The following STPG2 variants were observed in gnomAD, a reference collection of about 807,000 sequenced individuals.
STPG2 encodes the protein sperm tail PG-rich repeat containing 2.
STPG2 carries 56 observed loss-of-function variants against 54.2 expected under a neutral mutation model. That is an observed-to-expected ratio of 1.03 (90% CI 0.83 to 1.29). The LOEUF (loss-of-function observed/expected upper bound fraction) is 1.29, where lower values mean the gene tolerates loss of function less well. STPG2 is among the 50% of genes most tolerant of loss of function. The probability of loss-of-function intolerance (pLI) is 0.00; values close to 1 mark genes in which losing one functional copy is unlikely to be tolerated. For synonymous variants in STPG2, 200 were observed against 181.8 expected (o/e 1.10, Z -0.81); for missense variants, 596 against 544.9 (o/e 1.09, Z -0.93).
intron 10 of STPG2, among the ~76,000 whole-genome samples, chr4:97,578,355 A>G (rs1170264314): frequency 1.3e-5 from 2 of 152,064 alleles, no homozygotes; most frequent in African/African-American, 2.4e-5. Context: ...TATCTGGCCT[A>G]AAGAGGAGGT....
At chr4:98,127,260 A>G (rs1159910984) in intron 3 of STPG2, among the ~76,000 whole-genome samples, 1 of 152,174 alleles carries the variant, frequency 6.6e-6, no homozygotes, top group African/African-American at 2.4e-5. Flanking sequence ...TATCTGTGTG[A>G]TGGGTACATA....
intron 5 of STPG2, among the ~76,000 whole-genome samples, chr4:98,074,940 C>A (rs1312707952): frequency 7.7e-6 from 1 of 129,308 alleles, no homozygotes; most frequent in Non-Finnish European, 1.7e-5. Flanking sequence ...ATATTATATA[C>A]AGAAAAAAAT....
At chr4:97,664,037 C>T (rs1299052892) in intron 10 of STPG2, among the ~76,000 whole-genome samples, 1 of 152,060 alleles carries the variant, frequency 6.6e-6, no homozygotes, top group Non-Finnish European at 1.5e-5. Context: ...GGTATATATA[C>T]ATATGGCATA....
intron 8 of STPG2, among the ~76,000 whole-genome samples, chr4:97,879,966 T>C (rs1012142127): frequency 1.1e-4 from 17 of 152,174 alleles, no homozygotes; most frequent in African/African-American, 4.1e-4. Flanking sequence ...CTAAAGGAAC[T>C]GAAATGGTTA....
chr4:97,871,971 T>C (rs1160799181), intron 8 of STPG2, among the ~76,000 whole-genome samples: 1 of 151,066 alleles, frequency 6.6e-6, no homozygotes, highest in Non-Finnish European at 1.5e-5. Context: ...ATTCTAAGAA[T>C]GTAATGCTTA....
At chr4:97,577,063 T>C (rs754924636) in intron 10 of STPG2, among the ~76,000 whole-genome samples, 1 of 152,096 alleles carries the variant, frequency 6.6e-6, no homozygotes, top group African/African-American at 2.4e-5. Context: ...CCAGTCAGAA[T>C]GGCTATTACT....
At chr4:97,528,982 C>T (rs9968543) in intron 4 of STPG2, among the ~76,000 whole-genome samples, 17,609 of 152,144 alleles carry the variant, frequency 0.12, 3,037 homozygotes, top group African/African-American at 0.38. Flanking sequence ...ATTTCTTTCT[C>T]TTGCCTGACT....
intron 4 of STPG2, among the ~76,000 whole-genome samples, chr4:97,539,449 C>T (rs1183982093): frequency 6.6e-6 from 1 of 152,054 alleles, no homozygotes; most frequent in Non-Finnish European, 1.5e-5. Flanking sequence ...ACAAAGAAGG[C>T]CATTACATAA....
downstream of STPG2, among the ~76,000 whole-genome samples, chr4:97,558,321 T>G (rs1278463546): frequency 6.6e-6 from 1 of 152,194 alleles, no homozygotes; most frequent in African/African-American, 2.4e-5. Flanking sequence ...ACATAGGTGG[T>G]AGGCAGCCTT....
intron 4 of STPG2, among the ~76,000 whole-genome samples, chr4:97,521,496 C>A (rs1248740190): frequency 6.6e-6 from 1 of 151,982 alleles, no homozygotes; most frequent in Non-Finnish European, 1.5e-5. Flanking sequence ...CCAGAACTGA[C>A]AAATGCATAA....
chr4:98,026,723 C>T (rs932720049), intron 5 of STPG2, among the ~76,000 whole-genome samples: 2 of 152,162 alleles, frequency 1.3e-5, no homozygotes, highest in African/African-American at 4.8e-5. Context: ...ATGCCCTCTC[C>T]AGTGAGATCT....
At chr4:97,989,561 A>G (rs924798387) in intron 5 of STPG2, among the ~76,000 whole-genome samples, 9 of 152,214 alleles carry the variant, frequency 5.9e-5, no homozygotes, top group Non-Finnish European at 1.3e-4. Context: ...TCACAGATAG[A>G]AGATTCATAC....
At chr4:98,039,263 T>A (rs1417201769) in intron 5 of STPG2, among the ~76,000 whole-genome samples, 1 of 151,724 alleles carries the variant, frequency 6.6e-6, no homozygotes, top group Admixed American at 6.6e-5. Context: ...TACAATAGAA[T>A]TCTACACTGG....
intron 8 of STPG2, among the ~76,000 whole-genome samples, chr4:97,871,563 T>A (rs1729990949): frequency 6.6e-6 from 1 of 151,164 alleles, no homozygotes; most frequent in South Asian, 2.1e-4. Flanking sequence ...ATAACATGAA[T>A]AATTTCTTTA....
chr4:97,567,225 C>G (rs1421620541), intron 10 of STPG2, among the ~76,000 whole-genome samples: 1 of 150,656 alleles, frequency 6.6e-6, no homozygotes, highest in Non-Finnish European at 1.5e-5. Context: ...CACACACACA[C>G]CCTTTAAATT....
chr4:97,616,742 C>G (rs1733883311), intron 10 of STPG2, among the ~76,000 whole-genome samples: 1 of 151,940 alleles, frequency 6.6e-6, no homozygotes, highest in Non-Finnish European at 1.5e-5. Flanking sequence ...TTTCCTCTCC[C>G]CAAAAAGACT....
intron 5 of STPG2, among the ~76,000 whole-genome samples, chr4:98,078,755 A>C (rs1306571135): frequency 6.6e-6 from 1 of 152,226 alleles, no homozygotes; most frequent in Non-Finnish European, 1.5e-5. Context: ...ATATAATTCA[A>C]TGCTAAAATT....
At chr4:97,534,666 T>C (rs1430431845) in intron 4 of STPG2, among the ~76,000 whole-genome samples, 1 of 152,204 alleles carries the variant, frequency 6.6e-6, no homozygotes, top group African/African-American at 2.4e-5. Flanking sequence ...TTACCCTTTA[T>C]ACATAATTCT....
intron 5 of STPG2, among the ~76,000 whole-genome samples, chr4:97,983,174 C>A (rs921478476): frequency 3.1e-4 from 47 of 152,164 alleles, no homozygotes; most frequent in Admixed American, 3.1e-3. Flanking sequence ...AATGTAATGA[C>A]AAGAGCTTTA....
Sources: gnomAD v4.1 joint callset for allele counts (sites outside exome capture counted in the v4.1 genomes callset) on GRCh38, gnomAD v4.1.1 for gene constraint, MANE v1.5 for transcripts, NCBI Gene and HGNC (gene_info 2026-07-23, HGNC 2026-07-21) for gene names.